ITGB1: variants seen among roughly 807,000 people sequenced by gnomAD.
ITGB1 encodes the protein integrin subunit beta 1.
In ITGB1, 24 loss-of-function variants were observed where a neutral mutation model predicts 86.5. That is an observed-to-expected ratio of 0.28 (90% CI 0.20 to 0.39). The LOEUF (loss-of-function observed/expected upper bound fraction) is 0.39, where lower values mean the gene tolerates loss of function less well. Among genes scored for constraint, ITGB1 ranks in the 10% least tolerant of loss-of-function variants. The pLI is 1.00. For missense variants in ITGB1, 556 were observed against 946.9 expected, an observed-to-expected ratio of 0.59 and a Z score of 5.42; for synonymous variants, 323 against 316.8, an observed-to-expected ratio of 1.02 and a Z score of -0.21.
At chr10:32,923,223 G>T (rs528308580) in intron 7 of ITGB1, among the ~76,000 whole-genome samples, 2 of 152,258 alleles carry the variant, frequency 1.3e-5, no homozygotes, top group East Asian at 3.9e-4. Context: ...CAGAGTGACT[G>T]CTTTTAAAAA....
intron 9 of ITGB1, among the ~76,000 whole-genome samples, chr10:32,921,126 A>G (rs2094948366): frequency 6.7e-6 from 1 of 150,246 alleles, no homozygotes; most frequent in Non-Finnish European, 1.5e-5. Flanking sequence ...TATGCAGTCT[A>G]GGAACAAATT....
chr10:32,910,370 C>A lies in ITGB1; in HGVS notation c.2017G>T (p.Val673Leu). 6.2e-7 allele frequency: 1 copy of A among 1,600,756 alleles called. No individual in the cohort carries two copies. The highest frequency in any genetic ancestry group is 8.6e-7 in the Non-Finnish European group (1 of 1,168,050). ...QECSYFNITK[V>L]ESRDKLPQPV... Reference sequence around the variant, plus strand: ...TGGGGTAATTTGTCCCGACTTTCTACCTTGGTAATGTTAAAATAGGAACAT... The same window carrying A: ...TGGGGTAATTTGTCCCGACTTTCTAACTTGGTAATGTTAAAATAGGAACAT... Residue 673 changes from valine to leucine, a missense_variant, in exon 14 of 16, where the codon GTA becomes TTA. Physicochemically the swap from Val to Leu is conservative, Grantham distance 32. Coordinates refer to ENST00000302278, the MANE Select transcript of ITGB1 (RefSeq NM_002211.4).
Position 32,922,350 on chromosome 10 carries a change from C to T in ITGB1, c.1039-4G>A, listed in dbSNP as rs199516122. On this transcript the variant is annotated splice_region_variant and splice_polypyrimidine_tract_variant and intron_variant, in intron 8 of 15. Transcript: ENST00000302278. ...TAGGGATCAAGTTTTTCAGCTCCTG[C>T]AATTAAAAGATAAAACACGTAAAAT... The T allele has an allele frequency of 6.3e-7, 1 of 1,593,392 alleles. No individual in the cohort carries two copies. The highest frequency in any genetic ancestry group is 8.6e-7 in the Non-Finnish European group (1 of 1,163,828).
chr10:32,942,631 C>A (rs569570882), intron 1 of ITGB1, among the ~76,000 whole-genome samples: 1 of 151,922 alleles, frequency 6.6e-6, no homozygotes, highest in African/African-American at 2.4e-5. Context: ...GGTAAGAGGA[C>A]TGCCTGAGGC....
intron 1 of ITGB1, among the ~76,000 whole-genome samples, chr10:32,949,305 C>T (rs2095038323): frequency 6.6e-6 from 1 of 152,100 alleles, no homozygotes; most frequent in South Asian, 2.1e-4. Flanking sequence ...GAAACCTGAC[C>T]ATCTGTATCC....
intron 1 of ITGB1, among the ~76,000 whole-genome samples, chr10:32,952,705 ACTATACTCC>A (rs1445111543): frequency 6.6e-6 from 1 of 152,092 alleles, no homozygotes; most frequent in African/African-American, 2.4e-5. Flanking sequence ...CTCCACTGAA[ACTATACTCC>A]CTACACAAAA....
chr10:32,920,129 TCTACTA>T (rs1565823374), intron 10 of ITGB1, 45 bp from the exon 11 acceptor site: 1 of 1,571,918 alleles, frequency 6.4e-7, no homozygotes, highest in Admixed American at 1.8e-5. Flanking sequence ...ACAATTTAAA[TCTACTA>T]AAAAATATTT....
chr10:32,903,271 G>C (rs1285436590), intron 15 of ITGB1, among the ~76,000 whole-genome samples: 1 of 139,534 alleles, frequency 7.2e-6, no homozygotes, highest in Non-Finnish European at 1.5e-5. Context: ...GGAATCACTT[G>C]AACCCGGGAA....
chr10:32,942,096 C>A (rs1345033332), intron 1 of ITGB1, among the ~76,000 whole-genome samples: 1 of 151,918 alleles, frequency 6.6e-6, no homozygotes, highest in Non-Finnish European at 1.5e-5. Flanking sequence ...GAACTGGGGG[C>A]AAACTTGAAG....
intron 11 of ITGB1, among the ~76,000 whole-genome samples, chr10:32,915,487 C>T (rs1048640805): frequency 9.2e-5 from 14 of 152,032 alleles, no homozygotes; most frequent in African/African-American, 3.4e-4. Flanking sequence ...GGGATATCAC[C>T]ACCGATCCAA....
chr10:32,913,418 TGA>T (rs904332947), intron 11 of ITGB1, among the ~76,000 whole-genome samples: 7 of 151,940 alleles, frequency 4.6e-5, no homozygotes, highest in African/African-American at 1.7e-4. Flanking sequence ...CTAAAAACCT[TGA>T]AAAAAGACTA....
At chr10:32,952,140 C>T (rs2095043860) in intron 1 of ITGB1, among the ~76,000 whole-genome samples, 1 of 151,828 alleles carries the variant, frequency 6.6e-6, no homozygotes, top group Non-Finnish European at 1.5e-5. Flanking sequence ...CATCAGTAAG[C>T]TGTAAACAGT....
At chr10:32,943,583 A>G (rs79787385) in intron 1 of ITGB1, among the ~76,000 whole-genome samples, 4,402 of 152,262 alleles carry the variant, frequency 0.029, 95 homozygotes, top group Non-Finnish European at 0.047. Flanking sequence ...AGGAGAGGGG[A>G]CCACGGAAAC....
At chr10:32,912,268 G>T in intron 11 of ITGB1, 144 bp from the exon 12 acceptor site, 2 of 670,692 alleles carry the variant, frequency 3.0e-6, no homozygotes, top group South Asian at 3.8e-5. Flanking sequence ...TCCAACTGAG[G>T]TACTGGGTTC....
chr10:32,916,059 A>C (rs1300234213), intron 11 of ITGB1, among the ~76,000 whole-genome samples: 1 of 152,178 alleles, frequency 6.6e-6, no homozygotes, highest in Non-Finnish European at 1.5e-5. Flanking sequence ...AAGACAAAAA[A>C]CACATGATTA....
intron 14 of ITGB1, among the ~76,000 whole-genome samples, chr10:32,909,962 T>C (rs1466736357): frequency 6.6e-6 from 1 of 152,196 alleles, no homozygotes; most frequent in Non-Finnish European, 1.5e-5. Context: ...CTAAGTGTCT[T>C]ATATAAATCA....
chr10:32,914,197 C>G (rs184732249), intron 11 of ITGB1, among the ~76,000 whole-genome samples: 291 of 152,286 alleles, frequency 1.9e-3, no homozygotes, highest in Non-Finnish European at 2.4e-3. Context: ...CTGGTACCAG[C>G]CACTGCAAAA....
chr10:32,951,764 A>G (rs1176221426), intron 1 of ITGB1: 1 of 152,000 alleles, frequency 6.6e-6, no homozygotes, highest in East Asian at 1.9e-4. Flanking sequence ...TTTCCCTGTG[A>G]GGAGGAAAGA....
At chr10:32,939,097 T>C (rs2095011649) in intron 1 of ITGB1, among the ~76,000 whole-genome samples, 1 of 152,202 alleles carries the variant, frequency 6.6e-6, no homozygotes, top group African/African-American at 2.4e-5. Flanking sequence ...AACAACTGCA[T>C]TGGGTTTACC....
Sources: allele counts gnomAD v4.1 joint callset (sites outside exome capture counted in the v4.1 genomes callset), GRCh38; gene constraint gnomAD v4.1.1; transcripts MANE v1.5; gene names NCBI Gene and HGNC (gene_info 2026-07-23, HGNC 2026-07-21).